PMS2: variants seen among roughly 807,000 people sequenced by gnomAD.
PMS2 encodes the protein PMS1 homolog 2, mismatch repair system component.
PMS2 carries 69 observed loss-of-function variants against 90.0 expected under a neutral mutation model. The observed-to-expected ratio is 0.77, with a 90% confidence interval of 0.63 to 0.94. The LOEUF (loss-of-function observed/expected upper bound fraction) is 0.94, where lower values mean the gene tolerates loss of function less well. Ranked by LOEUF, PMS2 falls within the 40% of genes least tolerant of loss-of-function variation. The probability of loss-of-function intolerance (pLI) is 0.00; values close to 1 mark genes in which losing one functional copy is unlikely to be tolerated. For synonymous variants in PMS2, 332 were observed against 375.1 expected, an observed-to-expected ratio of 0.89 and a Z score of 1.33; for missense variants, 966 against 1,040.2, an observed-to-expected ratio of 0.93 and a Z score of 0.98.
rs763278245 is a variant in PMS2, at chr7:5,986,842, C to G, written c.1923G>C (p.Gly641=). 6.2e-7 allele frequency: 1 copy of G among 1,613,710 alleles called. No homozygotes were observed. The highest frequency in any genetic ancestry group is 1.3e-5 in the African/African-American group (1 of 74,972). The stretch of plus-strand genomic sequence containing the variant: ...CCCTAAACTTCCTGTAATTCTGTTC[C>G]CCTTCACTTTGCTGTGCTTCATGAT... ...QLHHEAQQSE[G]EQNYRKFRAK... is the part of the protein sequence containing the mutation. Residue 641 remains glycine, a synonymous_variant, in exon 11 of 15, where the codon GGG becomes GGC. Transcript: ENST00000265849.
At chr7:5,996,038 C>A (rs1011403377) in intron 7 of PMS2, among the ~76,000 whole-genome samples, 1 of 152,118 alleles carries the variant, frequency 6.6e-6, no homozygotes, top group Non-Finnish European at 1.5e-5. Flanking sequence ...ACATTCCCTC[C>A]CCTTTCAAAA....
At chr7:6,003,875 A>C in intron 3 of PMS2, 83 bp from the exon 4 acceptor site, 1 of 1,283,490 alleles carries the variant, frequency 7.8e-7, no homozygotes, top group Non-Finnish European at 1.1e-6. Flanking sequence ...AACTGGCTTT[A>C]AAAAACTGTT....
rs1225558859 is a variant in PMS2, at chr7:5,999,490, A to G, written c.538-215T>C. Among the ~76,000 whole-genome samples, 4 of 152,014 alleles carry G rather than the reference A, an allele frequency of 2.6e-5. No homozygotes were observed. The South Asian group carries it at 6.2e-4, about 24-fold the overall frequency. On this transcript the variant is annotated intron_variant, in intron 5 of 14. Coordinates refer to ENST00000265849, the MANE Select transcript of PMS2 (RefSeq NM_000535.7). ...CTGGTCACAGTCCTCTCACTTCCCA[A>G]TGTGCCATGCATCCTGGTAAAACAA...
chr7:5,976,717 A>G (rs62454749), intron 14 of PMS2, among the ~76,000 whole-genome samples: 30,483 of 121,776 alleles, frequency 0.25, 515 homozygotes, highest in South Asian at 0.39. Flanking sequence ...TAAGGTCCAT[A>G]GACGAACAAG....
chr7:5,983,265 C>T (rs897580287), intron 11 of PMS2, among the ~76,000 whole-genome samples: 30 of 151,260 alleles, frequency 2.0e-4, no homozygotes, highest in African/African-American at 7.3e-4. Flanking sequence ...GGTGCGCCAC[C>T]ATGCCCAGCT....
At chr7:5,993,627 C>A (rs1784022452) in intron 8 of PMS2, among the ~76,000 whole-genome samples, 1 of 151,372 alleles carries the variant, frequency 6.6e-6, no homozygotes, top group Admixed American at 6.6e-5. Flanking sequence ...CTTTGGGAGA[C>A]AGAGGCGGGT....
chr7:5,979,015 C>T lies in PMS2; in HGVS notation c.2175-319G>A, dbSNP rs373463061. ...TTTGAGACCGGCCTGGTCAACACAG[C>T]GAAACACTCTCTCTACTAAAAATAT... On this transcript the variant is annotated intron_variant, in intron 12 of 14. Coordinates refer to ENST00000265849, the MANE Select transcript of PMS2 (RefSeq NM_000535.7). 3.4e-5 allele frequency among the ~76,000 whole-genome samples: 5 copies of T among 148,196 alleles called. No homozygotes were observed. In the South Asian group the frequency reaches 8.5e-4, roughly 25 times the overall value.
intron 6 of PMS2, among the ~76,000 whole-genome samples, chr7:5,998,853 T>A (rs1042211297): frequency 6.6e-6 from 1 of 151,748 alleles, no homozygotes; most frequent in African/African-American, 2.4e-5. Context: ...TAGCCTGGCG[T>A]AGTGGAGCAT....
At position 5,987,259 on chromosome 7, in the gene PMS2, A is replaced by G. The variant is rs63750354; in HGVS notation, c.1506T>C (p.Asp502=). ...TGTCTGGGATGCTGAACCCCTCAGA[A>G]TCCACGGAAGTGCTGCCGTGCCCCG... ...KDSGHGSTSV[D]SEGFSIPDTG... The change falls in exon 11 of 15, where the codon GAT becomes GAC. Residue 502 remains aspartate, a synonymous_variant. Coordinates refer to ENST00000265849, the MANE Select transcript of PMS2 (RefSeq NM_000535.7). The G allele has an allele frequency of 6.2e-7, 1 of 1,613,950 alleles. No homozygotes were observed. The highest frequency in any genetic ancestry group is 1.3e-5 in the African/African-American group (1 of 74,878).
rs730881912 is a variant in PMS2 at position 6,005,955 on chromosome 7, T to G, written c.100A>C (p.Ser34Arg). The G allele has an allele frequency of 3.1e-6, 5 of 1,610,816 alleles. No homozygotes were observed. Among genetic ancestry groups the G allele is most frequent in the African/African-American group, 1.3e-5 (1 of 74,968 alleles). Reference protein sequence around the residue: ...HQICSGQVVLSLSTAVKELVE... With the variant: ...HQICSGQVVLRLSTAVKELVE... Reference sequence around the variant, plus strand: ...AACTCCTTTACCGCAGTGCTTAGACTCAGTACCACCTGCCCAGAGCAAATC... The same window carrying G: ...AACTCCTTTACCGCAGTGCTTAGACGCAGTACCACCTGCCCAGAGCAAATC... Residue 34 changes from serine to arginine, a missense_variant, in exon 2 of 15, where the codon AGT (serine) becomes CGT (arginine). Transcript: ENST00000265849.
In PMS2 at chr7:5,989,836, G is replaced by C. The variant is rs1278184308; in HGVS notation, c.1108C>G (p.Leu370Val). The change falls in exon 10 of 15, where the codon CTA becomes GTA. Residue 370 changes from leucine to valine, a missense_variant. Coordinates refer to ENST00000265849, the MANE Select transcript of PMS2 (RefSeq NM_000535.7). ...IGMFDSDVNK[L>V]NVSQQPLLDV... The stretch of plus-strand genomic sequence containing the variant: ...AGCAGTGGCTGCTGACTGACATTTA[G>C]CTTGTTGACATCACTATCAAACATT... 2 of 1,612,788 alleles carry C rather than the reference G, an allele frequency of 1.2e-6. No homozygotes were observed. Among genetic ancestry groups the C allele is most frequent in the Non-Finnish European group, 1.7e-6 (2 of 1,179,168 alleles).
At chr7:6,000,377 TA>T (rs67186373) in intron 5 of PMS2, among the ~76,000 whole-genome samples, 76,793 of 122,804 alleles carry the variant, frequency 0.63, 23,940 homozygotes, top group East Asian at 0.86. Flanking sequence ...CTGTCTCAAT[TA>T]AAAAAAAAAA....
chr7:5,998,761 G>A (rs1328680957), intron 6 of PMS2, among the ~76,000 whole-genome samples: 1 of 151,478 alleles, frequency 6.6e-6, no homozygotes, highest in Non-Finnish European at 1.5e-5. Flanking sequence ...GGAGGCCGAG[G>A]CTGGTGGATC....
intron 6 of PMS2, among the ~76,000 whole-genome samples, chr7:5,997,882 TG>T (rs1412345270): frequency 7.9e-5 from 12 of 151,954 alleles, no homozygotes; most frequent in African/African-American, 2.4e-4. Context: ...GTGTGAGCCG[TG>T]GGAACAACAA....
At chr7:6,008,879 G>C (rs1583433925) in intron 1 of PMS2, 118 bp downstream of exon 1, 1 of 1,287,456 alleles carries the variant, frequency 7.8e-7, no homozygotes. Context: ...GGCCTCCAGG[G>C]GGCTGCCTCG....
Position 5,989,866 on chromosome 7 carries a change from T to G in PMS2, c.1078A>C (p.Ile360Leu). ...TTGACATCACTATCAAACATTCCTATCAAAGAGGTCTTTAAAACTGCCAAC... is the reference window on the plus strand; with the variant it reads ...TTGACATCACTATCAAACATTCCTAGCAAAGAGGTCTTTAAAACTGCCAAC... ...LLLAVLKTSL[I>L]GMFDSDVNKL... Residue 360 changes from isoleucine to leucine, a missense_variant, in exon 10 of 15, where the codon ATA (isoleucine) becomes CTA (leucine). Ile to Leu is a conservative substitution (Grantham distance 5). Transcript: ENST00000265849. 1 of 1,612,550 alleles carries G rather than the reference T, an allele frequency of 6.2e-7. No individual in the cohort carries two copies.
In PMS2 at chr7:5,978,813, A is replaced by G. The variant is rs75973354; in HGVS notation, c.2175-117T>C. 0.055 allele frequency: 66,984 copies of G among 1,224,500 alleles called. 4,238 individuals carry two copies. Among genetic ancestry groups the G allele is most frequent in the East Asian group, 0.36 (13,378 of 36,688 alleles). The allele number at this position is 1,224,500 out of a possible 1,614,324, so 75.9% of individuals were successfully genotyped here. ...TGAATTCATGTCAAAATAACAACACAAATAACAACACTACTCAGCTAAGTG... is the reference window on the plus strand; with the variant it reads ...TGAATTCATGTCAAAATAACAACACGAATAACAACACTACTCAGCTAAGTG... On this transcript the variant is annotated intron_variant, in intron 12 of 14. Transcript: ENST00000265849.
At chr7:5,989,745 G>A (rs2128746377) in intron 10 of PMS2, 55 bp downstream of exon 10, 1 of 1,369,460 alleles carries the variant, frequency 7.3e-7, no homozygotes, top group Non-Finnish European at 1.0e-6. Flanking sequence ...GAAAAAATAA[G>A]GAAACACATT....
In PMS2 at chr7:6,002,521, C is replaced by T. The variant is rs1554303946; in HGVS notation, c.469G>A (p.Val157Ile). The T allele has an allele frequency of 6.2e-7, 1 of 1,611,746 alleles. No individual in the cohort carries two copies. Among genetic ancestry groups the T allele is most frequent in the Non-Finnish European group, 8.5e-7 (1 of 1,179,658 alleles). ...TPYPRPRGTT[V>I]SVQQLFSTLP... ...GTGGAAAATAACTGCTGCACGCTGACTGTGGTCCCTCTGGGGCGGGGGTAG... is the reference window on the plus strand; with the variant it reads ...GTGGAAAATAACTGCTGCACGCTGATTGTGGTCCCTCTGGGGCGGGGGTAG... The change falls in exon 5 of 15, where the codon GTC (valine) becomes ATC (isoleucine). Residue 157 changes from valine to isoleucine, a missense_variant. Transcript: ENST00000265849.
Sources: gnomAD v4.1 joint callset for allele counts (sites outside exome capture counted in the v4.1 genomes callset) on GRCh38, gnomAD v4.1.1 for gene constraint, MANE v1.5 for transcripts, NCBI Gene and HGNC (gene_info 2026-07-23, HGNC 2026-07-21) for gene names.